CC2D2A: variants seen among roughly 807,000 people sequenced by gnomAD.
The protein encoded by CC2D2A is coiled-coil and C2 domain-containing protein 2A.
A neutral mutation model predicts 212.9 loss-of-function variants in CC2D2A; 155 were observed. That is an observed-to-expected ratio of 0.73 (90% CI 0.64 to 0.83). The LOEUF is 0.83. CC2D2A is among the 40% of genes least tolerant of loss of function. The pLI is 0.00. For missense variants in CC2D2A, 1,856 were observed against 1,956.2 expected (o/e 0.95, Z 0.97); for synonymous variants, 667 against 686.5 (o/e 0.97, Z 0.44).
intron 34 of CC2D2A, among the ~76,000 whole-genome samples, chr4:15,597,160 A>G (rs1721355652): frequency 6.6e-6 from 1 of 152,146 alleles, no homozygotes; most frequent in Admixed American, 6.5e-5. Context: ...GTACTTGTTG[A>G]ATGAAGGGGT....
chr4:15,524,645 G>C (rs1488412477), intron 11 of CC2D2A, among the ~76,000 whole-genome samples: 4 of 147,518 alleles, frequency 2.7e-5, no homozygotes, highest in Non-Finnish European at 4.5e-5. Flanking sequence ...TAGAGACGGG[G>C]TTTCACCGTG....
At chr4:15,577,439 T>C (rs1720462851) in intron 29 of CC2D2A, among the ~76,000 whole-genome samples, 1 of 152,216 alleles carries the variant, frequency 6.6e-6, no homozygotes. Flanking sequence ...TTAATTTGTT[T>C]CATCATAAGT....
At chr4:15,507,285 AAGG>A (rs1156394883) in intron 6 of CC2D2A, among the ~76,000 whole-genome samples, 4 of 152,200 alleles carry the variant, frequency 2.6e-5, no homozygotes, top group African/African-American at 7.2e-5. Context: ...TGAGAAAATG[AAGG>A]AGAAGTATAG....
intron 4 of CC2D2A, among the ~76,000 whole-genome samples, chr4:15,482,737 T>A (rs1714765742): frequency 6.6e-6 from 1 of 152,156 alleles, no homozygotes; most frequent in Admixed American, 6.5e-5. Flanking sequence ...GATATTTAAT[T>A]ATTTATTTTA....
At chr4:15,510,872 A>C (rs1418999675) in intron 7 of CC2D2A, among the ~76,000 whole-genome samples, 2 of 152,222 alleles carry the variant, frequency 1.3e-5, no homozygotes, top group Non-Finnish European at 2.9e-5. Context: ...TTGTTTAAAA[A>C]TTCTATATTT....
rs1370542715 is a variant in CC2D2A at position 15,580,131 on chromosome 4, A to C, written c.3935A>C (p.Glu1312Ala). ...CTCAAACCTTTAAACCCTCCTCAGG[A>C]GCTCCTTAATGTCTACCCCAATAAT... is the stretch of plus-strand genomic sequence containing the variant. ...RYLKPLNPPQ[E>A]LLNVYPNNLQ... Residue 1312 changes from glutamate to alanine, a missense_variant, in exon 30 of 37, where the codon GAG becomes GCG. Glu to Ala is a moderately radical substitution (Grantham distance 107, BLOSUM62 -1). This residue lies in a region of CC2D2A where 20 missense variants were observed against 46.9 expected (regional missense o/e 0.43). Transcript: ENST00000424120. The C allele has an allele frequency of 1.2e-6, 2 of 1,613,820 alleles. No homozygotes were observed. The highest frequency in any genetic ancestry group is 2.2e-5 in the East Asian group (1 of 44,874).
At chr4:15,547,049 A>G (rs922009268) in intron 17 of CC2D2A, among the ~76,000 whole-genome samples, 1 of 152,208 alleles carries the variant, frequency 6.6e-6, no homozygotes, top group South Asian at 2.1e-4. Flanking sequence ...TCTCTGACAA[A>G]ATGACAGGTA....
At chr4:15,509,822 G>C (rs1716458868) in intron 6 of CC2D2A, among the ~76,000 whole-genome samples, 1 of 152,132 alleles carries the variant, frequency 6.6e-6, no homozygotes, top group Admixed American at 6.6e-5. Context: ...CAAACCTGAA[G>C]AGCATGTTAC....
At chr4:15,512,727 G>A (rs541981692) in intron 8 of CC2D2A, among the ~76,000 whole-genome samples, 2 of 152,246 alleles carry the variant, frequency 1.3e-5, no homozygotes, top group East Asian at 1.9e-4. Flanking sequence ...CGAGGAGGGC[G>A]GATCACCTAA....
Position 15,599,950 on chromosome 4 carries a change from C to CA in CC2D2A, c.4674+251dup, listed in dbSNP as rs1057172810. Among the ~76,000 whole-genome samples the CA allele has an allele frequency of 3.3e-5, 5 of 151,978 alleles. No homozygotes were observed. In the East Asian group the frequency reaches 5.8e-4, roughly 18 times the overall value. On this transcript the variant is annotated intron_variant, in intron 36 of 36. Coordinates refer to ENST00000424120, the MANE Select transcript of CC2D2A (RefSeq NM_001378615.1). ...CCTTTTATGAAATACATTTACGTATCAAAAAAATGAAAACATCTGGCTAAA... is the reference window on the plus strand; with the variant it reads ...CCTTTTATGAAATACATTTACGTATCAAAAAAAATGAAAACATCTGGCTAAA...
chr4:15,472,647 G>GTTTTTTT (rs35304734), intron 1 of CC2D2A, among the ~76,000 whole-genome samples: 2 of 138,842 alleles, frequency 1.4e-5, no homozygotes, highest in Admixed American at 7.1e-5. Flanking sequence ...TGTTTCACAG[G>GTTTTTTT]TTTTTTTTTT....
intron 27 of CC2D2A, 37 bp downstream of exon 27, chr4:15,569,426 C>T: frequency 8.6e-7 from 1 of 1,157,788 alleles, no homozygotes; most frequent in Non-Finnish European, 1.3e-6. Flanking sequence ...CTTGTATTCA[C>T]TTTCATATCC....
intron 6 of CC2D2A, among the ~76,000 whole-genome samples, chr4:15,506,030 G>A (rs1222225285): frequency 6.6e-6 from 1 of 152,194 alleles, no homozygotes; most frequent in Admixed American, 6.5e-5. Flanking sequence ...AGGGCCTAGA[G>A]CCTTCTTGGA....
At chr4:15,538,428 C>G (rs1048147449) in intron 16 of CC2D2A, among the ~76,000 whole-genome samples, 5 of 152,236 alleles carry the variant, frequency 3.3e-5, no homozygotes, top group Non-Finnish European at 5.9e-5. Context: ...AAATCTCTGC[C>G]TGCTCTTCAC....
In CC2D2A at chr4:15,601,525, A is replaced by G; in HGVS notation, c.*100A>G. ...ACATCAGAAGAACATATTATTGGCA[A>G]ATAATAAAATTATCAACTGTTTTCA... On this transcript the variant is annotated 3_prime_UTR_variant, in exon 37 of 37. Coordinates refer to ENST00000424120, the MANE Select transcript of CC2D2A (RefSeq NM_001378615.1). 1 of 728,784 alleles carries G rather than the reference A, an allele frequency of 1.4e-6. No homozygotes were observed. The highest frequency in any genetic ancestry group is 2.8e-5 in the South Asian group (1 of 35,782). 45.1% of individuals were successfully genotyped at this position (728,784 alleles called of 1,614,324 possible).
chr4:15,490,256 C>T (rs1357485131), intron 4 of CC2D2A, among the ~76,000 whole-genome samples: 1 of 152,140 alleles, frequency 6.6e-6, no homozygotes, highest in African/African-American at 2.4e-5. Context: ...AGTTTTAGAA[C>T]ATTTTTATCA....
chr4:15,593,557 C>T (rs796627447), intron 33 of CC2D2A, among the ~76,000 whole-genome samples: 1 of 152,206 alleles, frequency 6.6e-6, no homozygotes, highest in East Asian at 1.9e-4. Flanking sequence ...TCAACATCCT[C>T]ATTTGGATGT....
intron 4 of CC2D2A, among the ~76,000 whole-genome samples, chr4:15,484,222 C>T (rs1168009773): frequency 6.6e-6 from 1 of 152,052 alleles, no homozygotes; most frequent in African/African-American, 2.4e-5. Context: ...TGAGTGATCC[C>T]CAAGGGGAGA....
At chr4:15,518,372 C>T (rs186999612) in intron 11 of CC2D2A, among the ~76,000 whole-genome samples, 1 of 152,364 alleles carries the variant, frequency 6.6e-6, no homozygotes, top group African/African-American at 2.4e-5. Flanking sequence ...TGGGCAGCTT[C>T]GCCTCTGTGG....
Sources: gnomAD v4.1 joint callset for allele counts (sites outside exome capture counted in the v4.1 genomes callset) on GRCh38, gnomAD v4.1.1 for gene constraint, gnomAD v4.1.1 regional missense constraint, MANE v1.5 for transcripts, NCBI Gene and HGNC (gene_info 2026-07-23, HGNC 2026-07-21) for gene names.